CTU2: variants seen among roughly 807,000 people sequenced by gnomAD.
CTU2 encodes the protein cytoplasmic tRNA 2-thiolation protein 2.
Under a neutral mutation model 64.1 loss-of-function variants are expected in CTU2, and 80 were observed. The observed-to-expected ratio is 1.25, with a 90% confidence interval of 1.04 to 1.50. CTU2 has a LOEUF of 1.50. Among genes scored for constraint, CTU2 ranks in the 40% most tolerant of loss-of-function variants. The pLI is 0.00. For missense variants in CTU2, 1,110 were observed against 690.2 expected, an observed-to-expected ratio of 1.61 and a Z score of -6.81; for synonymous variants, 482 against 285.3, an observed-to-expected ratio of 1.69 and a Z score of -6.95.
chr16:88,714,319 C>A, intron 10 of CTU2, 64 bp from the exon 11 acceptor site: 2 of 1,603,946 alleles, frequency 1.2e-6, no homozygotes, highest in Non-Finnish European at 1.7e-6. Context: ...CGTGCTCAGG[C>A]CAGGGCTTAG....
Position 88,713,897 on chromosome 16 carries a change from C to T in CTU2, c.1005+119C>T, listed in dbSNP as rs2290903. On this transcript the variant is annotated intron_variant, in intron 9 of 14. Transcript: ENST00000453996. Reference sequence around the variant, plus strand: ...CACCTTCAGTGACTCCTGCTGTGGCCCCCAGCAGTGCTGCATCCTCTGAGC... The same window carrying T: ...CACCTTCAGTGACTCCTGCTGTGGCTCCCAGCAGTGCTGCATCCTCTGAGC... 9,535 of 1,396,226 alleles carry T rather than the reference C, an allele frequency of 6.8e-3. 315 individuals carry two copies. In the East Asian group the frequency reaches 0.1, roughly 15 times the overall value. The allele number at this position is 1,396,226 out of a possible 1,614,324, so 86.5% of individuals were successfully genotyped here. A position where few individuals can be genotyped will look rare whatever the true frequency, so the allele number is the denominator to read the frequency against.
intron 1 of CTU2, 183 bp from the exon 2 acceptor site, chr16:88,706,953 C>G (rs1394220312): frequency 1.6e-6 from 1 of 610,698 alleles, no homozygotes; most frequent in South Asian, 2.2e-5. Context: ...GCTAAACATC[C>G]CCCCAGAGCC....
At chr16:88,707,067 C>G (rs1208495519) in intron 1 of CTU2, 69 bp from the exon 2 acceptor site, 5 of 1,523,524 alleles carry the variant, frequency 3.3e-6, no homozygotes, top group African/African-American at 1.4e-5. Flanking sequence ...AGCTGTCTCC[C>G]CAAAGCCCAC....
At position 88,714,180 on chromosome 16, in the gene CTU2, C is replaced by T. The variant is rs781244722; in HGVS notation, c.1050C>T (p.Ile350=). Reference sequence around the variant, plus strand: ...TCCACCGGCTGATGGAGGCCTTCATCCTCAGGCTGCAGACCCAGTTCCCCT... The same window carrying T: ...TCCACCGGCTGATGGAGGCCTTCATTCTCAGGCTGCAGACCCAGTTCCCCT... The part of the protein sequence containing the change: ...ASIHRLMEAF[I]LRLQTQFPST... Residue 350 remains isoleucine, a synonymous_variant, in exon 10 of 15, where the codon ATC becomes ATT. Coordinates refer to ENST00000453996, the MANE Select transcript of CTU2 (RefSeq NM_001012759.3). 6.8e-6 allele frequency: 11 copies of T among 1,612,740 alleles called. 1 individual carries two copies. Among genetic ancestry groups the T allele is most frequent in the Admixed American group, 6.7e-5 (4 of 60,018 alleles).
At position 88,707,227 on chromosome 16, in the gene CTU2, G is replaced by C. The variant is rs146256809; in HGVS notation, c.143+17G>C. The C allele has an allele frequency of 6.2e-7, 1 of 1,612,310 alleles. No homozygotes were observed. Among genetic ancestry groups the C allele is most frequent in the African/African-American group, 1.3e-5 (1 of 75,038 alleles). On this transcript the variant is annotated intron_variant, in intron 2 of 14. Transcript: ENST00000453996. ...CTTCTGCAGGTGAGGCCTGGAGGTG[G>C]CTGAGACCCTGGCAAACATGGCCTC... is the stretch of plus-strand genomic sequence containing the variant.
At chr16:88,712,510 C>T in intron 6 of CTU2, 112 bp from the exon 7 acceptor site, 1 of 1,477,916 alleles carries the variant, frequency 6.8e-7, no homozygotes, top group Non-Finnish European at 9.1e-7. Context: ...TGGGAGGCAC[C>T]TGCCCGTGCC....
At position 88,714,643 on chromosome 16, in the gene CTU2, C is replaced by G; in HGVS notation, c.1258C>G (p.Pro420Ala). The G allele has an allele frequency of 6.2e-7, 1 of 1,612,608 alleles. No individual in the cohort carries two copies. Among genetic ancestry groups the G allele is most frequent in the Non-Finnish European group, 8.5e-7 (1 of 1,179,848 alleles). The change falls in exon 12 of 15, where the codon CCC becomes GCC. Residue 420 changes from proline to alanine, a missense_variant. Coordinates refer to ENST00000453996, the MANE Select transcript of CTU2 (RefSeq NM_001012759.3). ...TSSRLSQMQS[P>A]IPLTETRTPP... is the part of the protein sequence containing the mutation. ...CTCGCGTCTCTCCCAGATGCAGTCA[C>G]CCATCCCCCTGACTGAGACCCGGAC...
At chr16:88,712,573 G>A (rs935522164) in intron 6 of CTU2, 49 bp from the exon 7 acceptor site, 14 of 1,584,328 alleles carry the variant, frequency 8.8e-6, no homozygotes, top group African/African-American at 1.3e-5. Flanking sequence ...TCTGTGGGGG[G>A]CACCTGCCCG....
chr16:88,710,159 A>G lies in CTU2; in HGVS notation c.223-64A>G, dbSNP rs1323136408. 3.2e-5 allele frequency: 51 copies of G among 1,597,592 alleles called. 1 individual carries two copies. Among genetic ancestry groups the G allele is most frequent in the Non-Finnish European group, 2.9e-5 (34 of 1,165,380 alleles). On this transcript the variant is annotated intron_variant, in intron 3 of 14. Coordinates refer to ENST00000453996, the MANE Select transcript of CTU2 (RefSeq NM_001012759.3). ...GACAGACTCGATGTCCTAGATGTCC[A>G]CGAGGTGGGGTGTCTGCCTGTGTTG...
At chr16:88,710,526 G>A (rs922876234) in intron 4 of CTU2, 3 of 543,988 alleles carry the variant, frequency 5.5e-6, no homozygotes, top group Non-Finnish European at 9.8e-6. Flanking sequence ...CAGAAGCTGG[G>A]TCCACAGCGC....
At chr16:88,710,132 A>C in intron 3 of CTU2, 91 bp from the exon 4 acceptor site, 1 of 1,584,964 alleles carries the variant, frequency 6.3e-7, no homozygotes, top group Non-Finnish European at 8.7e-7. Flanking sequence ...TTGGCCTTTG[A>C]GGACAGACTC....
rs775620971 is a variant in CTU2, at chr16:88,712,680, A to AG, written c.517dup (p.Ala173GlyfsTer51). 6.2e-7 allele frequency: 1 copy of AG among 1,610,468 alleles called. No homozygotes were observed. Among genetic ancestry groups the AG allele is most frequent in the Non-Finnish European group, 8.5e-7 (1 of 1,179,506 alleles). On this transcript the variant is annotated frameshift_variant, in exon 7 of 15. Transcript: ENST00000453996. LOFTEE classifies it high-confidence loss of function. ...TCTGCCCAGGAGCTGGTGGGATCCGAGGGGGCCTACAAGGCGGCCGTGGAC... is the reference window on the plus strand; with the variant it reads ...TCTGCCCAGGAGCTGGTGGGATCCGAGGGGGGCCTACAAGGCGGCCGTGGAC...
rs150644843 is a variant in CTU2, at chr16:88,714,611, A to C, written c.1226A>C (p.Gln409Pro). Residue 409 changes from glutamine to proline, a missense_variant, in exon 12 of 15, where the codon CAG becomes CCG. By Grantham distance (76) the Gln-to-Pro change is moderately conservative. Transcript: ENST00000453996. Reference sequence around the variant, plus strand: ...GACAGTGCCACGGCTTTTGGGGCTCAGACCTCCTCGCGTCTCTCCCAGATG... The same window carrying C: ...GACAGTGCCACGGCTTTTGGGGCTCCGACCTCCTCGCGTCTCTCCCAGATG... ...AADSATAFGA[Q>P]TSSRLSQMQS... The C allele has an allele frequency of 2.7e-4, 437 of 1,612,624 alleles. No homozygotes were observed. In the East Asian group the frequency reaches 3.3e-3, roughly 12 times the overall value.
intron 5 of CTU2, 148 bp from the exon 6 acceptor site, chr16:88,712,126 G>A: frequency 1.3e-6 from 1 of 754,592 alleles, no homozygotes; most frequent in Middle Eastern, 2.2e-4. Flanking sequence ...CCTGCCCAAA[G>A]GAAAATGGCC....
intron 1 of CTU2, 171 bp downstream of exon 1, chr16:88,706,769 C>T (rs1158867763): frequency 3.8e-6 from 2 of 532,748 alleles, no homozygotes; most frequent in African/African-American, 2.0e-5. Context: ...TAGAAGGGGA[C>T]TTACTCCACT....
intron 2 of CTU2, 120 bp downstream of exon 2, chr16:88,707,330 C>T (rs881633): frequency 0.11 from 100,829 of 936,762 alleles, 5,951 homozygotes; most frequent in African/African-American, 0.17. Context: ...TATTCCTGCT[C>T]CTGATGGGGT....
Position 88,713,660 on chromosome 16 carries a change from A to C in CTU2, c.887A>C (p.Glu296Ala), listed in dbSNP as rs142702969. Residue 296 changes from glutamate to alanine, a missense_variant, in exon 9 of 15, where the codon GAG (glutamate) becomes GCG (alanine). Physicochemically the swap from Glu to Ala is moderately radical, Grantham distance 107. Coordinates refer to ENST00000453996, the MANE Select transcript of CTU2 (RefSeq NM_001012759.3). ...TGCCTCCCGCAGGGCTTCTCGGATG[A>C]GCGGCACGGGGACGTGGTGGTGGTG... ...FLAWDTGFSD[E>A]RHGDVVVVRP... is the part of the protein sequence containing the mutation. 8.8e-5 allele frequency: 142 copies of C among 1,612,150 alleles called. No individual in the cohort carries two copies. The highest frequency in any genetic ancestry group is 1.2e-4 in the Non-Finnish European group (138 of 1,179,710).
At chr16:88,712,056 TGCA>T (rs1365709590) in intron 5 of CTU2, 2 of 683,866 alleles carry the variant, frequency 2.9e-6, no homozygotes, top group South Asian at 3.0e-5. Flanking sequence ...CCCTTGCTCC[TGCA>T]GAACGAACTC....
In CTU2 at chr16:88,707,115, TC is replaced by T. The variant is rs749766205; in HGVS notation, c.69-15del. 15 of 1,611,232 alleles carry T rather than the reference TC, an allele frequency of 9.3e-6. No homozygotes were observed. The highest frequency in any genetic ancestry group is 1.7e-4 in the Middle Eastern group (1 of 6,056). ...AGATGTGATCTGTGTTTCTCTCTTCTCCCCCCTCCCATCTCCAAAGCCGTGA... is the reference window on the plus strand; with the variant it reads ...AGATGTGATCTGTGTTTCTCTCTTCTCCCCCTCCCATCTCCAAAGCCGTGA... On this transcript the variant is annotated intron_variant, in intron 1 of 14. Transcript: ENST00000453996.
Sources: allele counts gnomAD v4.1 joint callset, GRCh38; gene constraint gnomAD v4.1.1; transcripts MANE v1.5; gene names NCBI Gene and HGNC (gene_info 2026-07-23, HGNC 2026-07-21).